DMTF1: variants seen among roughly 807,000 people sequenced by gnomAD.
The protein encoded by DMTF1 is cyclin-D-binding Myb-like transcription factor 1.
Under a neutral mutation model 91.1 loss-of-function variants are expected in DMTF1, and 39 were observed. The ratio of observed to expected loss-of-function variants is 0.43; its 90% CI spans 0.33 to 0.56. DMTF1 has a LOEUF of 0.56. Among genes scored for constraint, DMTF1 ranks in the 20% least tolerant of loss-of-function variants. The pLI, the probability that DMTF1 is intolerant of heterozygous loss-of-function variation, is 0.05. For missense variants in DMTF1, 750 were observed against 914.5 expected (o/e 0.82, Z 2.32); for synonymous variants, 338 against 309.5 (o/e 1.09, Z -0.97).
At position 87,188,113 on chromosome 7, in the gene DMTF1, A is replaced by T; in HGVS notation, c.1223A>T (p.Gln408Leu). ...TCAGTCTTAATAAAAGGTCTTAAAC[A>T]GTTACATGAGAACCAAAAAAACAAC... ...SFPVLIKGLK[Q>L]LHENQKNNPT... The change falls in exon 13 of 18, where the codon CAG becomes CTG. Residue 408 changes from glutamine to leucine, a missense_variant. This residue lies in a region of DMTF1 where 410 missense variants were observed against 420.2 expected (regional missense o/e 0.98). Coordinates refer to ENST00000331242, the MANE Select transcript of DMTF1 (RefSeq NM_001142327.2). 6.2e-7 allele frequency: 1 copy of T among 1,613,828 alleles called. No individual in the cohort carries two copies. The highest frequency in any genetic ancestry group is 8.5e-7 in the Non-Finnish European group (1 of 1,179,822).
intron 13 of DMTF1, 49 bp from the exon 14 acceptor site, chr7:87,190,894 AAC>A (rs760643326): frequency 1.8e-5 from 27 of 1,475,748 alleles, no homozygotes; most frequent in Non-Finnish European, 2.5e-5. Flanking sequence ...AAATTAACAA[AAC>A]ATTTATTGTA....
chr7:87,170,980 T>C lies in DMTF1; in HGVS notation c.233-15T>C, dbSNP rs1376408711. On this transcript the variant is annotated splice_polypyrimidine_tract_variant and intron_variant, in intron 4 of 17. Transcript: ENST00000331242. Reference sequence around the variant, plus strand: ...CCGTTATTATTCTGGAGATGAACGGTTCCTTTTCTTGAAGTTTCAGAAAAT... The same window carrying C: ...CCGTTATTATTCTGGAGATGAACGGCTCCTTTTCTTGAAGTTTCAGAAAAT... 1 of 1,544,234 alleles carries C rather than the reference T, an allele frequency of 6.5e-7. No homozygotes were observed. The highest frequency in any genetic ancestry group is 1.4e-5 in the African/African-American group (1 of 73,368).
In DMTF1 at chr7:87,195,064, A is replaced by G. The variant is rs1157918534; in HGVS notation, c.2207A>G (p.Asn736Ser). ...CTCCAACATCATCAGGAAGAATCAA[A>G]TATCATTGGATCATCCTTGGGCAGT... is the stretch of plus-strand genomic sequence containing the variant. ...PILQHHQEESNIIGSSLGSPV... is the reference protein window; with the variant it reads ...PILQHHQEESSIIGSSLGSPV... Residue 736 changes from asparagine (N) to serine (S), a missense_variant, in exon 18 of 18, where the codon AAT becomes AGT. Around this residue, in one of 3 missense-constraint regions of DMTF1, gnomAD observed 410 missense variants for 420.2 expected, o/e 0.98. Transcript: ENST00000331242. 5.0e-6 allele frequency: 8 copies of G among 1,612,236 alleles called. No individual in the cohort carries two copies. Among genetic ancestry groups the G allele is most frequent in the Admixed American group, 1.7e-5 (1 of 59,862 alleles).
chr7:87,171,736 T>C (rs1386116663), intron 5 of DMTF1, among the ~76,000 whole-genome samples: 1 of 152,138 alleles, frequency 6.6e-6, no homozygotes, highest in African/African-American at 2.4e-5. Flanking sequence ...ACTTAATAGA[T>C]GCATAAAGTA....
At position 87,171,108 on chromosome 7, in the gene DMTF1, C is replaced by T. The variant is rs1278114303; in HGVS notation, c.327+19C>T. ...GATACAGGTATAGTAAATCTTTTAA[C>T]TGGCCTCAGGAGGATGATCCTTTAC... On this transcript the variant is annotated intron_variant, in intron 5 of 17. Coordinates refer to ENST00000331242, the MANE Select transcript of DMTF1 (RefSeq NM_001142327.2). The T allele has an allele frequency of 6.6e-7, 1 of 1,505,680 alleles. No homozygotes were observed. Among genetic ancestry groups the T allele is most frequent in the South Asian group, 1.2e-5 (1 of 86,298 alleles). 93.3% of individuals were successfully genotyped at this position (1,505,680 alleles called of 1,614,324 possible). A position where few individuals can be genotyped will look rare whatever the true frequency, so the allele number is the denominator to read the frequency against.
intron 5 of DMTF1, among the ~76,000 whole-genome samples, chr7:87,172,675 C>G (rs1410220443): frequency 6.6e-6 from 1 of 152,234 alleles, no homozygotes; most frequent in Non-Finnish European, 1.5e-5. Context: ...GTTCAGTGGT[C>G]ACTAAATACG....
chr7:87,170,982 C>T lies in DMTF1; in HGVS notation c.233-13C>T, dbSNP rs1198279571. On this transcript the variant is annotated splice_polypyrimidine_tract_variant and intron_variant, in intron 4 of 17. Transcript: ENST00000331242. The stretch of plus-strand genomic sequence containing the variant: ...GTTATTATTCTGGAGATGAACGGTT[C>T]CTTTTCTTGAAGTTTCAGAAAATGA... 6.4e-7 allele frequency: 1 copy of T among 1,557,070 alleles called. No individual in the cohort carries two copies. The highest frequency in any genetic ancestry group is 2.2e-5 in the East Asian group (1 of 44,634).
In DMTF1 at chr7:87,188,189, C is replaced by G; in HGVS notation, c.1299C>G (p.Thr433=). The part of the protein sequence containing the change: ...KSGSGVPNSN[T]NSSVQHVQIR... ...GATCTGGAGTTCCAAACAGTAATAC[C>G]AATTCCAGTGTGCAGCATGTTCAGA... is the stretch of plus-strand genomic sequence containing the variant. Residue 433 remains threonine (T), a synonymous_variant, in exon 13 of 18, where the codon ACC becomes ACG. Transcript: ENST00000331242. The G allele has an allele frequency of 6.2e-7, 1 of 1,613,910 alleles. No individual in the cohort carries two copies. The highest frequency in any genetic ancestry group is 8.5e-7 in the Non-Finnish European group (1 of 1,179,890).
intron 4 of DMTF1, 56 bp from the exon 5 acceptor site, chr7:87,170,939 G>T: frequency 8.6e-7 from 1 of 1,166,070 alleles, no homozygotes. Context: ...GATATTTTTA[G>T]AATAATTAGA....
At chr7:87,182,489 T>G in intron 10 of DMTF1, 152 bp downstream of exon 10, 2 of 696,970 alleles carry the variant, frequency 2.9e-6, no homozygotes. Flanking sequence ...TTGAGCTTAT[T>G]AGATATATCA....
At chr7:87,193,138 C>T (rs1323749797) in intron 14 of DMTF1, 60 bp from the exon 15 acceptor site, 25 of 1,573,210 alleles carry the variant, frequency 1.6e-5, no homozygotes, top group Middle Eastern at 1.7e-4. Flanking sequence ...AAACTCAGTC[C>T]GTTTTTGTAT....
chr7:87,160,934 T>G (rs1792181879), intron 1 of DMTF1, among the ~76,000 whole-genome samples: 1 of 152,158 alleles, frequency 6.6e-6, no homozygotes, highest in Non-Finnish European at 1.5e-5. Context: ...AAAAACAATG[T>G]GTATGCCAGT....
chr7:87,188,446 C>T, intron 13 of DMTF1, 145 bp downstream of exon 13: 1 of 818,834 alleles, frequency 1.2e-6, no homozygotes, highest in Non-Finnish European at 1.9e-6. Context: ...TTGTTTAGTT[C>T]AGTTAATATT....
At chr7:87,172,182 A>C (rs1272225794) in intron 5 of DMTF1, among the ~76,000 whole-genome samples, 2 of 152,216 alleles carry the variant, frequency 1.3e-5, no homozygotes, top group Non-Finnish European at 2.9e-5. Context: ...CTCTAGGATC[A>C]AATCTTATAA....
intron 1 of DMTF1, among the ~76,000 whole-genome samples, chr7:87,157,165 C>G (rs1488236045): frequency 2.0e-5 from 3 of 152,124 alleles, no homozygotes; most frequent in South Asian, 2.1e-4. Context: ...ATTAGTTGAT[C>G]TATGCCAGAG....
At chr7:87,167,605 T>TA (rs761271500) in intron 4 of DMTF1, among the ~76,000 whole-genome samples, 1 of 152,250 alleles carries the variant, frequency 6.6e-6, no homozygotes, top group African/African-American at 2.4e-5. Flanking sequence ...AACAAGTAGA[T>TA]ATGTACTCTG....
intron 7 of DMTF1, 57 bp downstream of exon 7, chr7:87,174,726 T>C: frequency 9.8e-6 from 12 of 1,222,720 alleles, no homozygotes; most frequent in Non-Finnish European, 1.4e-5. Flanking sequence ...ATTGCAAAAA[T>C]ATCAACACAG....
rs1157956507 is a variant in DMTF1 at position 87,193,734 on chromosome 7, T to C, written c.1660T>C (p.Leu554=). ...IIVHALSPEH[L]LNTSDNVTVQ... ...CTTTAATGTTTTATAGCCAGAACAT[T>C]TGTTGAACACAAGTGATAATGTTAC... Residue 554 remains leucine (L), a synonymous_variant, in exon 16 of 18, where the codon TTG becomes CTG. Transcript: ENST00000331242. 1 of 1,596,510 alleles carries C rather than the reference T, an allele frequency of 6.3e-7. No homozygotes were observed. The highest frequency in any genetic ancestry group is 1.1e-5 in the South Asian group (1 of 87,874).
Position 87,194,711 on chromosome 7 carries a change from C to G in DMTF1, c.2056C>G (p.Gln686Glu). ...TTTAGAGTCTCCCACTATAGAAGAA[C>G]AAGTTGATCAAACAATTGATGATGA... ...EGLESPTIEEQVDQTIDDETI... is the reference protein window; with the variant it reads ...EGLESPTIEEEVDQTIDDETI... The change falls in exon 17 of 18, where the codon CAA (glutamine) becomes GAA (glutamate). Residue 686 changes from glutamine (Q) to glutamate (E), a missense_variant. Around this residue, in one of 3 missense-constraint regions of DMTF1, gnomAD observed 410 missense variants for 420.2 expected, o/e 0.98. Transcript: ENST00000331242. The G allele has an allele frequency of 6.2e-7, 1 of 1,609,288 alleles. No homozygotes were observed. Among genetic ancestry groups the G allele is most frequent in the Non-Finnish European group, 8.5e-7 (1 of 1,176,658 alleles).
Sources: allele counts gnomAD v4.1 joint callset (sites outside exome capture counted in the v4.1 genomes callset), GRCh38; gene constraint gnomAD v4.1.1; regional missense constraint gnomAD v4.1.1; transcripts MANE v1.5; gene names NCBI Gene and HGNC (gene_info 2026-07-23, HGNC 2026-07-21).